TRIP4: variants seen among roughly 807,000 people sequenced by gnomAD.
The protein encoded by TRIP4 is thyroid hormone receptor interactor 4, also known as activating signal cointegrator 1.
A neutral mutation model predicts 81.8 loss-of-function variants in TRIP4; 54 were observed. That is an observed-to-expected ratio of 0.66 (90% CI 0.53 to 0.83). The LOEUF (loss-of-function observed/expected upper bound fraction) is 0.83. Among genes scored for constraint, TRIP4 ranks in the 40% least tolerant of loss-of-function variants. The pLI is 0.00. For missense variants in TRIP4, 662 were observed against 683.6 expected (o/e 0.97, Z 0.35); for synonymous variants, 270 against 242.8 (o/e 1.11, Z -1.04).
At chr15:64,437,498 G>GT (rs368624525) in intron 11 of TRIP4, among the ~76,000 whole-genome samples, 9,996 of 142,958 alleles carry the variant, frequency 0.07, 515 homozygotes, top group South Asian at 0.35. Context: ...GTGTTACTTT[G>GT]TTTTTTTTTT....
chr15:64,438,267 T>G (rs1892444721), intron 11 of TRIP4, among the ~76,000 whole-genome samples: 1 of 152,216 alleles, frequency 6.6e-6, no homozygotes, highest in African/African-American at 2.4e-5. Flanking sequence ...CATTCTGAGG[T>G]AATAGTCTCA....
intron 12 of TRIP4, 73 bp downstream of exon 12, chr15:64,445,181 G>T: frequency 2.6e-6 from 2 of 778,988 alleles, no homozygotes; most frequent in Non-Finnish European, 4.3e-6. Flanking sequence ...GTAGAACAAG[G>T]AGTTCAATCT....
At chr15:64,439,096 C>T (rs1056112740) in intron 11 of TRIP4, among the ~76,000 whole-genome samples, 2 of 152,138 alleles carry the variant, frequency 1.3e-5, no homozygotes, top group Non-Finnish European at 1.5e-5. Flanking sequence ...AATATTCAGT[C>T]GTCATCTGGT....
chr15:64,394,211 C>T (rs143044847), intron 2 of TRIP4, 96 bp downstream of exon 2: 12,383 of 1,133,600 alleles, frequency 0.011, 123 homozygotes, highest in Middle Eastern at 0.034. Flanking sequence ...TCTTGTGTTT[C>T]TTCACAGCTA....
intron 1 of TRIP4, among the ~76,000 whole-genome samples, chr15:64,390,314 T>C (rs1900086773): frequency 6.8e-6 from 1 of 147,218 alleles, no homozygotes; most frequent in South Asian, 2.2e-4. Context: ...ATACAAAACT[T>C]AGTCGGGTGT....
At chr15:64,453,288 C>T (rs1057420523) in intron 12 of TRIP4, among the ~76,000 whole-genome samples, 1 of 152,194 alleles carries the variant, frequency 6.6e-6, no homozygotes, top group East Asian at 1.9e-4. Flanking sequence ...ATGGGACTCA[C>T]CTCTGGGTAC....
At chr15:64,414,713 T>C (rs1219093334) in intron 8 of TRIP4, among the ~76,000 whole-genome samples, 1 of 151,800 alleles carries the variant, frequency 6.6e-6, no homozygotes, top group African/African-American at 2.4e-5. Flanking sequence ...GAGACAGGGT[T>C]TCACCGTGTT....
chr15:64,394,187 T>TA lies in TRIP4; in HGVS notation c.271+72_271+73insA. On this transcript the variant is annotated intron_variant, in intron 2 of 12. Transcript: ENST00000261884. ...AGGCTTAAAGAATTATTATTATTAT[T>TA]TTTTTTTTTGCCATCTTGTGTTTCT... 3.2e-6 allele frequency: 4 copies of TA among 1,249,958 alleles called. No individual in the cohort carries two copies. In the South Asian group the frequency reaches 6.3e-5, roughly 20 times the overall value. 77.4% of individuals were successfully genotyped at this position (1,249,958 alleles called of 1,614,324 possible).
chr15:64,395,834 G>A (rs928667495), intron 3 of TRIP4, among the ~76,000 whole-genome samples: 28 of 151,344 alleles, frequency 1.9e-4, no homozygotes, highest in African/African-American at 6.8e-4. Context: ...TCCGCTTCCT[G>A]GGTTCAAGTG....
chr15:64,400,875 CTG>C, intron 5 of TRIP4, 54 bp downstream of exon 5: 1 of 1,434,492 alleles, frequency 7.0e-7, no homozygotes, highest in Non-Finnish European at 9.8e-7. Flanking sequence ...CTTGTTGCGT[CTG>C]TGGTTGTTTC....
At chr15:64,451,715 G>A (rs1041353510) in intron 12 of TRIP4, among the ~76,000 whole-genome samples, 2 of 147,902 alleles carry the variant, frequency 1.4e-5, no homozygotes, top group African/African-American at 5.0e-5. Flanking sequence ...GTGCAATGGT[G>A]CGATCTTGGC....
intron 12 of TRIP4, 44 bp downstream of exon 12, chr15:64,445,152 G>C (rs1892598342): frequency 1.9e-6 from 2 of 1,064,946 alleles, no homozygotes; most frequent in South Asian, 1.4e-5. Context: ...AAGTGCAGTA[G>C]TAAGGAATGG....
chr15:64,397,748 ACTGT>A lies in TRIP4; in HGVS notation c.552_555del (p.Cys184Ter), dbSNP rs1900336049. ...GGCCAGAAGCACAAGCTCATCAATA[ACTGT>A]CTGATCTGTGGGCGCATTGTCTGTG... On this transcript the variant is annotated frameshift_variant, in exon 4 of 13. Coordinates refer to ENST00000261884, the MANE Select transcript of TRIP4 (RefSeq NM_016213.5). LOFTEE classifies it high-confidence loss of function. The A allele has an allele frequency of 1.2e-6, 2 of 1,614,232 alleles. No homozygotes were observed. The highest frequency in any genetic ancestry group is 8.5e-7 in the Non-Finnish European group (1 of 1,180,040).
intron 11 of TRIP4, among the ~76,000 whole-genome samples, chr15:64,431,847 A>ATTTTTT (rs1555411171): frequency 0.2 from 23,441 of 119,340 alleles, 3,079 homozygotes; most frequent in Non-Finnish European, 0.27. Context: ...ATATATATAT[A>ATTTTTT]TTTTTTTTAT....
chr15:64,421,798 C>T (rs1220248752), intron 9 of TRIP4, among the ~76,000 whole-genome samples: 2 of 152,118 alleles, frequency 1.3e-5, no homozygotes, highest in Non-Finnish European at 2.9e-5. Flanking sequence ...AATCCCAGCA[C>T]TTTGGGAGGT....
At chr15:64,388,224 C>T (rs993090786) in intron 1 of TRIP4, among the ~76,000 whole-genome samples, 1 of 152,128 alleles carries the variant, frequency 6.6e-6, no homozygotes, top group Non-Finnish European at 1.5e-5. Context: ...CAAGGCTGTC[C>T]CAGGAGCCAG....
chr15:64,450,120 G>A (rs902850437), intron 12 of TRIP4, among the ~76,000 whole-genome samples: 10 of 151,276 alleles, frequency 6.6e-5, no homozygotes, highest in African/African-American at 1.9e-4. Flanking sequence ...TGGGCTGGGC[G>A]CAGTGGCTCA....
rs1336434404 is a variant in TRIP4 at position 64,409,723 on chromosome 15, T to G, written c.938T>G (p.Leu313Arg). 6.2e-7 allele frequency: 1 copy of G among 1,613,982 alleles called. No homozygotes were observed. The highest frequency in any genetic ancestry group is 1.7e-5 in the Admixed American group (1 of 59,986). Residue 313 changes from leucine to arginine, a missense_variant, in exon 7 of 13, where the codon CTG becomes CGG. Transcript: ENST00000261884. ...RETLQKREEELRELRHASRLS... is the reference protein window; with the variant it reads ...RETLQKREEERRELRHASRLS... Reference sequence around the variant, plus strand: ...ACCTTGCAGAAGCGAGAGGAGGAGCTGAGAGAACTTCGACACGCCTCTCGA... The same window carrying G: ...ACCTTGCAGAAGCGAGAGGAGGAGCGGAGAGAACTTCGACACGCCTCTCGA...
intron 2 of TRIP4, 124 bp downstream of exon 2, chr15:64,394,239 T>C (rs906024111): frequency 7.8e-6 from 6 of 767,490 alleles, no homozygotes; most frequent in Non-Finnish European, 9.7e-6. Context: ...CAGAGTCATA[T>C]GTATACATAT....
Sources: gnomAD v4.1 joint callset for allele counts (sites outside exome capture counted in the v4.1 genomes callset) on GRCh38, gnomAD v4.1.1 for gene constraint, MANE v1.5 for transcripts, NCBI Gene and HGNC (gene_info 2026-07-23, HGNC 2026-07-21) for gene names.